CCDC146: variants seen among roughly 807,000 people sequenced by gnomAD.
CCDC146 encodes the protein coiled-coil domain containing 146.
CCDC146 carries 92 observed loss-of-function variants against 119.3 expected under a neutral mutation model. That is an observed-to-expected ratio of 0.77 (90% CI 0.65 to 0.92). CCDC146 has a LOEUF of 0.92. CCDC146 is among the 40% of genes least tolerant of loss of function. The pLI, the probability that CCDC146 is intolerant of heterozygous loss-of-function variation, is 0.00. For missense variants in CCDC146, 1,000 were observed against 1,103.0 expected, an observed-to-expected ratio of 0.91 and a Z score of 1.32; for synonymous variants, 372 against 371.8, an observed-to-expected ratio of 1.00 and a Z score of -0.01.
intron 6 of CCDC146, among the ~76,000 whole-genome samples, chr7:77,256,844 C>T (rs1435681423): frequency 6.6e-6 from 1 of 152,204 alleles, no homozygotes; most frequent in Non-Finnish European, 1.5e-5. Flanking sequence ...GTGGCTCACA[C>T]CTGTAATCCC....
In CCDC146 at chr7:77,145,352, T is replaced by A. The variant is rs954633505; in HGVS notation, c.-11-22306T>A. 3.9e-4 allele frequency among the ~76,000 whole-genome samples: 60 copies of A among 151,916 alleles called. 3 individuals are homozygous for A. Among genetic ancestry groups the A allele is most frequent in the African/African-American group, 1.3e-3 (52 of 41,212 alleles). On this transcript the variant is annotated intron_variant, in intron 1 of 18. Coordinates refer to ENST00000285871, the MANE Select transcript of CCDC146 (RefSeq NM_020879.3). ...GCTAGTGGTCTATCAATTTTGTTGATCTTTTCAAAAAACCAGCTCCTGGAT... is the reference window on the plus strand; with the variant it reads ...GCTAGTGGTCTATCAATTTTGTTGAACTTTTCAAAAAACCAGCTCCTGGAT...
chr7:77,125,731 A>C (rs1336289233), intron 1 of CCDC146, among the ~76,000 whole-genome samples: 4 of 152,112 alleles, frequency 2.6e-5, no homozygotes, highest in Non-Finnish European at 5.9e-5. Context: ...ATTTAGCTTA[A>C]GAGAAAAGCC....
chr7:77,233,437 C>T (rs73373644), intron 2 of CCDC146, among the ~76,000 whole-genome samples: 1 of 151,962 alleles, frequency 6.6e-6, no homozygotes, highest in Admixed American at 6.6e-5. Flanking sequence ...ACTCTTCATC[C>T]CACCATTTTG....
chr7:77,142,305 C>CATTT (rs34373715), intron 1 of CCDC146, among the ~76,000 whole-genome samples: 43,103 of 142,360 alleles, frequency 0.3, 4,987 homozygotes, highest in East Asian at 0.35. Flanking sequence ...CATGATTGTA[C>CATTT]ATTTATTTAT....
chr7:77,275,671 A>C (rs1019136297), intron 11 of CCDC146, among the ~76,000 whole-genome samples: 12 of 152,188 alleles, frequency 7.9e-5, no homozygotes, highest in Non-Finnish European at 2.9e-5. Flanking sequence ...AGCATCATTT[A>C]ATCGAATGCC....
intron 2 of CCDC146, among the ~76,000 whole-genome samples, chr7:77,208,096 G>C (rs1447775681): frequency 1.3e-5 from 2 of 152,134 alleles, no homozygotes. Flanking sequence ...AACATGTTTG[G>C]CCTTATGCAG....
intron 2 of CCDC146, among the ~76,000 whole-genome samples, chr7:77,206,863 A>G (rs1584072749): frequency 6.6e-6 from 1 of 152,024 alleles, no homozygotes; most frequent in Admixed American, 6.5e-5. Flanking sequence ...ATTCATAATA[A>G]TAGTGTTGCT....
intron 2 of CCDC146, among the ~76,000 whole-genome samples, chr7:77,215,038 C>G (rs868623686): frequency 1.3e-5 from 2 of 152,020 alleles, no homozygotes; most frequent in African/African-American, 4.8e-5. Context: ...TATTAGAATC[C>G]TTCTAAAAAG....
chr7:77,250,844 T>C (rs1396226747), intron 4 of CCDC146, among the ~76,000 whole-genome samples: 1 of 151,088 alleles, frequency 6.6e-6, no homozygotes, highest in African/African-American at 2.4e-5. Context: ...TTTTTTTTTT[T>C]CCAGTTTGGG....
At chr7:77,125,621 C>G (rs1465094605) in intron 1 of CCDC146, among the ~76,000 whole-genome samples, 1 of 151,744 alleles carries the variant, frequency 6.6e-6, no homozygotes, top group Admixed American at 6.6e-5. Context: ...ATATAAATGT[C>G]AACGAATATT....
chr7:77,145,093 A>G (rs1790994435), intron 1 of CCDC146, among the ~76,000 whole-genome samples: 1 of 151,774 alleles, frequency 6.6e-6, no homozygotes, highest in Non-Finnish European at 1.5e-5. Context: ...CCTCAATTTC[A>G]GAGCCTATTA....
intron 9 of CCDC146, among the ~76,000 whole-genome samples, chr7:77,269,692 A>G (rs1793472951): frequency 6.6e-6 from 1 of 152,268 alleles, no homozygotes. Context: ...AATAGCACCC[A>G]TTGAATATAA....
chr7:77,248,878 C>T (rs530291011), intron 4 of CCDC146, among the ~76,000 whole-genome samples: 16 of 152,240 alleles, frequency 1.1e-4, no homozygotes, highest in Non-Finnish European at 2.4e-4. Flanking sequence ...AATAAGTGAA[C>T]AAAACCATAT....
intron 9 of CCDC146, among the ~76,000 whole-genome samples, chr7:77,269,591 T>C (rs1226624471): frequency 6.6e-6 from 1 of 152,144 alleles, no homozygotes; most frequent in East Asian, 1.9e-4. Context: ...CGAAGAGGAG[T>C]TTGCAGTGGA....
At chr7:77,279,237 C>T (rs1433089422) in intron 13 of CCDC146, 136 bp downstream of exon 13, 1 of 657,782 alleles carries the variant, frequency 1.5e-6, no homozygotes, top group African/African-American at 2.4e-5. Context: ...GCCCTCCAGC[C>T]TGGGTGACAG....
At chr7:77,229,628 A>G (rs1792581040) in intron 2 of CCDC146, among the ~76,000 whole-genome samples, 3 of 152,288 alleles carry the variant, frequency 2.0e-5, no homozygotes, top group African/African-American at 7.2e-5. Flanking sequence ...AGATAGTTGT[A>G]GGTGTGCGGT....
chr7:77,294,856 T>G lies in CCDC146; in HGVS notation c.2858T>G (p.Val953Gly). ...ATAAGGAAACCTGTTATAAAGCCAGTTGAAATCTGAATATGTGAACAAATC... is the reference window on the plus strand; with the variant it reads ...ATAAGGAAACCTGTTATAAAGCCAGGTGAAATCTGAATATGTGAACAAATC... ...RHIRKPVIKP[V>G]EI The change falls in exon 19 of 19, where the codon GTT becomes GGT. Residue 953 changes from valine (V) to glycine (G), a missense_variant. Transcript: ENST00000285871. 1.2e-6 allele frequency: 2 copies of G among 1,613,562 alleles called. No homozygotes were observed. Among genetic ancestry groups the G allele is most frequent in the Non-Finnish European group, 1.7e-6 (2 of 1,179,912 alleles).
intron 1 of CCDC146, among the ~76,000 whole-genome samples, chr7:77,127,383 T>C (rs934886259): frequency 6.6e-6 from 1 of 152,118 alleles, no homozygotes; most frequent in Non-Finnish European, 1.5e-5. Flanking sequence ...GGCTCCTGAC[T>C]GCCCCATGGA....
At chr7:77,192,794 G>T (rs189410622) in intron 2 of CCDC146, among the ~76,000 whole-genome samples, 6 of 152,140 alleles carry the variant, frequency 3.9e-5, no homozygotes, top group Admixed American at 3.9e-4. Flanking sequence ...GAGGTGGCAG[G>T]CGTCTGTAGT....
Sources: allele counts gnomAD v4.1 joint callset (sites outside exome capture counted in the v4.1 genomes callset), GRCh38; gene constraint gnomAD v4.1.1; transcripts MANE v1.5; gene names NCBI Gene and HGNC (gene_info 2026-07-23, HGNC 2026-07-21).